PIPOX: variants seen among roughly 807,000 people sequenced by gnomAD.
The protein encoded by PIPOX is peroxisomal sarcosine oxidase.
PIPOX carries 45 observed loss-of-function variants against 47.9 expected under a neutral mutation model. The observed-to-expected ratio is 0.94, with a 90% confidence interval of 0.74 to 1.20. The LOEUF is 1.20. Ranked by LOEUF, PIPOX falls within the 50% of genes most tolerant of loss-of-function variation. PIPOX has a pLI of 0.00. For synonymous variants in PIPOX, 165 were observed against 191.3 expected (o/e 0.86, Z 1.13); for missense variants, 458 against 498.4 (o/e 0.92, Z 0.77).
chr17:29,044,827 C>A, intron 1 of PIPOX, 32 bp from the exon 2 acceptor site: 1 of 1,592,174 alleles, frequency 6.3e-7, no homozygotes, highest in Admixed American at 1.7e-5. Flanking sequence ...GGGGTAATGG[C>A]TTCCATCATC....
At position 29,053,171 on chromosome 17, in the gene PIPOX, C is replaced by A. The variant is rs754300847; in HGVS notation, c.477+38C>A. 2.6e-6 allele frequency: 4 copies of A among 1,567,930 alleles called. 1 individual carries two copies. The African/African-American group carries it at 4.1e-5, about 16-fold the overall frequency. ...AGCACTGGGGCGATGCAGGTGCTCC[C>A]TGCTCTGGGTGTCCTGGGTCCCAAG... On this transcript the variant is annotated intron_variant, in intron 3 of 7. Coordinates refer to ENST00000323372, the MANE Select transcript of PIPOX (RefSeq NM_016518.3).
chr17:29,047,204 C>T (rs1273471631), intron 2 of PIPOX, among the ~76,000 whole-genome samples: 5 of 152,084 alleles, frequency 3.3e-5, no homozygotes, highest in East Asian at 3.9e-4. Context: ...GCAGAAGAAT[C>T]GCTTGAACCT....
chr17:29,048,796 T>G (rs1324877857), intron 2 of PIPOX, among the ~76,000 whole-genome samples: 3 of 152,154 alleles, frequency 2.0e-5, no homozygotes, highest in Non-Finnish European at 4.4e-5. Context: ...CAATTCCACC[T>G]CGGCCCACTG....
intron 2 of PIPOX, among the ~76,000 whole-genome samples, chr17:29,046,042 T>C (rs1406622044): frequency 1.3e-5 from 2 of 152,188 alleles, no homozygotes; most frequent in Non-Finnish European, 2.9e-5. Flanking sequence ...CTCTACCTGA[T>C]AGGGTGGTGG....
intron 6 of PIPOX, 85 bp from the exon 7 acceptor site, chr17:29,055,728 A>C: frequency 8.7e-7 from 1 of 1,144,434 alleles, no homozygotes; most frequent in Non-Finnish European, 1.3e-6. Flanking sequence ...AAAGAAATCC[A>C]GCCCATCCCC....
intron 2 of PIPOX, among the ~76,000 whole-genome samples, chr17:29,048,886 C>A (rs923342568): frequency 2.6e-5 from 4 of 152,218 alleles, no homozygotes; most frequent in Admixed American, 6.5e-5. Context: ...CGAATCCCTT[C>A]CCCAAGGTGA....
Position 29,044,996 on chromosome 17 carries a change from C to T in PIPOX, c.252C>T (p.Thr84=). ...CCCAGCTGGAGCACGAGGCTGGAAC[C>T]CAATTGCACAGGTGGGCTGTGGGAG... The part of the protein sequence containing the change: ...IWAQLEHEAG[T]QLHRQTGLLL... The change falls in exon 2 of 8, where the codon ACC becomes ACT. Residue 84 remains threonine, a synonymous_variant. Coordinates refer to ENST00000323372, the MANE Select transcript of PIPOX (RefSeq NM_016518.3). The T allele has an allele frequency of 1.9e-6, 3 of 1,605,306 alleles. No homozygotes were observed. The South Asian group carries it at 3.3e-5, about 18-fold the overall frequency.
intron 2 of PIPOX, among the ~76,000 whole-genome samples, chr17:29,051,256 A>G (rs559123865): frequency 2.6e-5 from 4 of 152,312 alleles, no homozygotes; most frequent in African/African-American, 9.6e-5. Flanking sequence ...TGAGCTTCGA[A>G]GAGGCAGAGC....
rs755619400 is a variant in PIPOX at position 29,053,393 on chromosome 17, C to A, written c.478-20C>A. The A allele has an allele frequency of 6.2e-7, 1 of 1,601,386 alleles. No homozygotes were observed. The highest frequency in any genetic ancestry group is 1.7e-4 in the Middle Eastern group (1 of 5,996). On this transcript the variant is annotated intron_variant, in intron 3 of 7. Transcript: ENST00000323372. ...CCACATACAGAACTAATTCACCTTT[C>A]CCTGCTCCTGCCCTTTCAGGATGCA... is the stretch of plus-strand genomic sequence containing the variant.
Position 29,044,906 on chromosome 17 carries a change from A to G in PIPOX, c.162A>G (p.Ile54Met). 1 of 1,614,166 alleles carries G rather than the reference A, an allele frequency of 6.2e-7. No individual in the cohort carries two copies. Among genetic ancestry groups the G allele is most frequent in the South Asian group, 1.1e-5 (1 of 91,072 alleles). ...SRGSSHGQSRIIRKAYLEDFY... is the reference protein window; with the variant it reads ...SRGSSHGQSRMIRKAYLEDFY... Reference sequence around the variant, plus strand: ...GAAGCTCCCATGGACAAAGCCGGATAATCCGAAAGGCGTACCTGGAAGACT... The same window carrying G: ...GAAGCTCCCATGGACAAAGCCGGATGATCCGAAAGGCGTACCTGGAAGACT... Residue 54 changes from isoleucine (I) to methionine (M), a missense_variant, in exon 2 of 8, where the codon ATA becomes ATG. Physicochemically the swap from Ile to Met is conservative, Grantham distance 10. Coordinates refer to ENST00000323372, the MANE Select transcript of PIPOX (RefSeq NM_016518.3).
chr17:29,046,316 C>T (rs765843398), intron 2 of PIPOX, among the ~76,000 whole-genome samples: 11 of 152,152 alleles, frequency 7.2e-5, no homozygotes, highest in Admixed American at 2.0e-4. Flanking sequence ...TCAGAGGGCA[C>T]ACTTCCTCCT....
intron 2 of PIPOX, among the ~76,000 whole-genome samples, chr17:29,047,186 CTGA>C (rs1308674718): frequency 2.0e-5 from 3 of 151,984 alleles, no homozygotes; most frequent in Non-Finnish European, 4.4e-5. Context: ...ATTAGGGAGG[CTGA>C]TGAGGCAGAA....
intron 6 of PIPOX, 37 bp from the exon 7 acceptor site, chr17:29,055,776 G>A (rs1468673151): frequency 6.5e-7 from 1 of 1,544,272 alleles, no homozygotes; most frequent in Non-Finnish European, 9.0e-7. Context: ...CTTCCCTCGA[G>A]CCTCAAAGAA....
At position 29,044,877 on chromosome 17, in the gene PIPOX, C is replaced by T. The variant is rs148923684; in HGVS notation, c.133C>T (p.Arg45Ter). 8.1e-6 allele frequency: 13 copies of T among 1,613,114 alleles called. No homozygotes were observed. The highest frequency in any genetic ancestry group is 4.5e-5 in the East Asian group (2 of 44,844). Residue 45 changes from arginine (R) to a stop codon, truncating the protein, a stop_gained, in exon 2 of 8, where the codon CGA (arginine) becomes TGA (stop). Coordinates refer to ENST00000323372, the MANE Select transcript of PIPOX (RefSeq NM_016518.3). LOFTEE classifies it high-confidence loss of function. ...LLEQFFLPHS[R>*]GSSHGQSRII... is the part of the protein sequence containing the mutation. ...CTTCCAGTTCTTTCTACCACACTCC[C>T]GAGGAAGCTCCCATGGACAAAGCCG...
intron 2 of PIPOX, among the ~76,000 whole-genome samples, chr17:29,045,557 C>A (rs922066225): frequency 6.6e-6 from 1 of 151,416 alleles, no homozygotes; most frequent in African/African-American, 2.4e-5. Flanking sequence ...ACTACAGGTG[C>A]GCACCACCAC....
At position 29,055,170 on chromosome 17, in the gene PIPOX, C is replaced by T. The variant is rs1174806465; in HGVS notation, c.915C>T (p.His305=). 1 of 1,614,174 alleles carries T rather than the reference C, an allele frequency of 6.2e-7. No individual in the cohort carries two copies. Among genetic ancestry groups the T allele is most frequent in the South Asian group, 1.1e-5 (1 of 91,086 alleles). The change falls in exon 6 of 8, where the codon CAC becomes CAT. Residue 305 remains histidine, a synonymous_variant. Coordinates refer to ENST00000323372, the MANE Select transcript of PIPOX (RefSeq NM_016518.3). ...VQILSSFVRD[H]LPDLKPEPAV... is the part of the protein sequence containing the mutation. ...TCCTGAGCAGCTTTGTCAGAGATCA[C>T]TTACCTGATCTGAAGCCCGAGCCTG...
rs759548398 is a variant in PIPOX at position 29,052,936 on chromosome 17, C to T, written c.280C>T (p.Leu94=). The change falls in exon 3 of 8, where the codon CTG becomes TTG. Residue 94 remains leucine (L), a synonymous_variant. Coordinates refer to ENST00000323372, the MANE Select transcript of PIPOX (RefSeq NM_016518.3). ...TTTTAACAGGCAGACTGGATTACTG[C>T]TGCTGGGAATGAAAGAGAATCAAGA... is the stretch of plus-strand genomic sequence containing the variant. ...TQLHRQTGLL[L]LGMKENQELK... The T allele has an allele frequency of 3.7e-6, 6 of 1,614,148 alleles. No homozygotes were observed. The highest frequency in any genetic ancestry group is 1.1e-5 in the South Asian group (1 of 91,080).
rs961089552 is a variant in PIPOX at position 29,056,895 on chromosome 17, A to T, written c.*590A>T. On this transcript the variant is annotated 3_prime_UTR_variant, in exon 8 of 8. Transcript: ENST00000323372. ...CTACTTGGGAGACTGAGGCAAGAGA[A>T]TCACTTGAACCCGGGAGGTGGAGGT... is the stretch of plus-strand genomic sequence containing the variant. The T allele has an allele frequency of 6.6e-6, 1 of 152,394 alleles. No individual in the cohort carries two copies. Among genetic ancestry groups the T allele is most frequent in the Non-Finnish European group, 1.5e-5 (1 of 68,248 alleles). 9.4% of individuals were successfully genotyped at this position (152,394 alleles called of 1,614,324 possible). A position where few individuals can be genotyped will look rare whatever the true frequency, so the allele number is the denominator to read the frequency against.
rs776648093 is a variant in PIPOX at position 29,052,931 on chromosome 17, T to A, written c.275T>A (p.Leu92Ter). 3.7e-6 allele frequency: 6 copies of A among 1,614,178 alleles called. No homozygotes were observed. In the South Asian group the frequency reaches 6.6e-5, roughly 18 times the overall value. The change falls in exon 3 of 8, where the codon TTA (leucine) becomes TAA (stop). Residue 92 changes from leucine (L) to a stop codon, truncating the protein, a stop_gained. Coordinates refer to ENST00000323372, the MANE Select transcript of PIPOX (RefSeq NM_016518.3). LOFTEE classifies it high-confidence loss of function. ...AGTQLHRQTG[L>*]LLLGMKENQE... ...TTATTTTTTAACAGGCAGACTGGAT[T>A]ACTGCTGCTGGGAATGAAAGAGAAT...
Sources: gnomAD v4.1 joint callset for allele counts (sites outside exome capture counted in the v4.1 genomes callset) on GRCh38, gnomAD v4.1.1 for gene constraint, MANE v1.5 for transcripts, NCBI Gene and HGNC (gene_info 2026-07-23, HGNC 2026-07-21) for gene names.